The following KIAA0825 variants were observed in gnomAD, a reference collection of about 807,000 sequenced individuals.
The protein encoded by KIAA0825 is uncharacterized protein KIAA0825.
KIAA0825 carries 119 observed loss-of-function variants against 147.6 expected under a neutral mutation model. The observed-to-expected ratio is 0.81, with a 90% CI of 0.69 to 0.94. The LOEUF (loss-of-function observed/expected upper bound fraction) is 0.94, where lower values mean the gene tolerates loss of function less well. KIAA0825 is among the 40% of genes least tolerant of loss of function. The pLI is 0.00. For synonymous variants in KIAA0825, 470 were observed against 518.1 expected (o/e 0.91, Z 1.26); for missense variants, 1,381 against 1,472.7 (o/e 0.94, Z 1.02).
intron 1 of KIAA0825, among the ~76,000 whole-genome samples, chr5:94,603,811 G>T (rs777959298): frequency 2.6e-5 from 4 of 152,086 alleles, no homozygotes; most frequent in Non-Finnish European, 5.9e-5. Flanking sequence ...AACGAACAAA[G>T]ATTAAAAAAT....
chr5:94,335,169 A>G (rs1196547524), intron 20 of KIAA0825, among the ~76,000 whole-genome samples: 1 of 152,172 alleles, frequency 6.6e-6, no homozygotes, highest in East Asian at 1.9e-4. Context: ...ACTCCTCAAT[A>G]TGAATTTAGA....
At chr5:94,244,570 C>T (rs554904217) in intron 20 of KIAA0825, among the ~76,000 whole-genome samples, 2 of 152,256 alleles carry the variant, frequency 1.3e-5, no homozygotes, top group African/African-American at 4.8e-5. Flanking sequence ...CTCCTTGTCT[C>T]AAGCAATCCT....
chr5:94,584,197 T>C (rs1024731868), intron 1 of KIAA0825, among the ~76,000 whole-genome samples: 5 of 151,868 alleles, frequency 3.3e-5, no homozygotes, highest in African/African-American at 1.2e-4. Flanking sequence ...GTTTGAGGAG[T>C]TGACAGAAGT....
intron 2 of KIAA0825, among the ~76,000 whole-genome samples, chr5:94,565,261 C>T (rs575278759): frequency 5.7e-4 from 86 of 150,988 alleles, no homozygotes; most frequent in African/African-American, 1.9e-3. Flanking sequence ...ACATCACCTT[C>T]TAACTCATTC....
At chr5:94,194,577 C>A (rs976198488) in intron 20 of KIAA0825, among the ~76,000 whole-genome samples, 4 of 152,194 alleles carry the variant, frequency 2.6e-5, no homozygotes, top group Admixed American at 1.3e-4. Flanking sequence ...GCTGGCCACC[C>A]ATCTGTCTCT....
At chr5:94,519,239 T>A in intron 5 of KIAA0825, 1 of 887,166 alleles carries the variant, frequency 1.1e-6, no homozygotes, top group Non-Finnish European at 1.4e-6. Context: ...ATTTTATTAA[T>A]GAAGATACGC....
intron 1 of KIAA0825, among the ~76,000 whole-genome samples, chr5:94,587,246 T>C (rs1224203047): frequency 6.6e-6 from 1 of 152,136 alleles, no homozygotes; most frequent in Non-Finnish European, 1.5e-5. Flanking sequence ...AAAGAGGAAG[T>C]CAAATTGTCC....
At chr5:94,288,339 A>T (rs1415137690) in intron 20 of KIAA0825, among the ~76,000 whole-genome samples, 1 of 152,178 alleles carries the variant, frequency 6.6e-6, no homozygotes, top group Non-Finnish European at 1.5e-5. Flanking sequence ...AAAAGTGTTT[A>T]AAAACAGTAT....
rs375041169 is a variant in KIAA0825 at position 94,186,373 on chromosome 5, T to C, written c.3711-32249A>G. On this transcript the variant is annotated intron_variant, in intron 20 of 20. Coordinates refer to ENST00000682413, the MANE Select transcript of KIAA0825 (RefSeq NM_001145678.3). ...ATTATTGGTGTACAAATGCCAATAT[T>C]TACTGACCTTTCTAAAGCAGTAAAT... Among the ~76,000 whole-genome samples, 61 of 152,330 alleles carry C rather than the reference T, an allele frequency of 4.0e-4. 1 individual carries two copies. Among genetic ancestry groups the C allele is most frequent in the African/African-American group, 1.4e-3 (60 of 41,586 alleles).
At chr5:94,430,830 C>T (rs1755565484) in intron 14 of KIAA0825, among the ~76,000 whole-genome samples, 1 of 152,148 alleles carries the variant, frequency 6.6e-6, no homozygotes, top group African/African-American at 2.4e-5. Flanking sequence ...GCAGGTGAAA[C>T]ATCACAGCAA....
At chr5:94,258,229 G>A (rs990341548) in intron 20 of KIAA0825, among the ~76,000 whole-genome samples, 7 of 151,986 alleles carry the variant, frequency 4.6e-5, no homozygotes, top group African/African-American at 1.7e-4. Context: ...AAGAGGAAGA[G>A]GAAGGGTATT....
intron 2 of KIAA0825, among the ~76,000 whole-genome samples, chr5:94,581,546 T>C (rs1415802304): frequency 6.6e-6 from 1 of 152,168 alleles, no homozygotes; most frequent in East Asian, 1.9e-4. Context: ...CCCAAATCAG[T>C]CTGTTATACT....
At chr5:94,600,800 T>C (rs1404350906) in intron 1 of KIAA0825, among the ~76,000 whole-genome samples, 1 of 152,164 alleles carries the variant, frequency 6.6e-6, no homozygotes, top group Non-Finnish European at 1.5e-5. Context: ...TCTACAAAAG[T>C]GTGACCAGAT....
At chr5:94,499,292 T>G (rs1207113176) in intron 5 of KIAA0825, among the ~76,000 whole-genome samples, 2 of 152,136 alleles carry the variant, frequency 1.3e-5, no homozygotes, top group Non-Finnish European at 2.9e-5. Flanking sequence ...AAGTAAACTC[T>G]CCATGCTGTG....
chr5:94,184,622 A>G (rs1281327522), intron 20 of KIAA0825, among the ~76,000 whole-genome samples: 1 of 152,234 alleles, frequency 6.6e-6, no homozygotes, highest in Non-Finnish European at 1.5e-5. Context: ...GCAAATATTT[A>G]AGAAACTTAT....
intron 20 of KIAA0825, among the ~76,000 whole-genome samples, chr5:94,383,147 C>A (rs561512224): frequency 6.6e-5 from 10 of 152,280 alleles, no homozygotes; most frequent in African/African-American, 2.4e-4. Flanking sequence ...AATAGGGTAC[C>A]TCTGGACTGC....
intron 20 of KIAA0825, among the ~76,000 whole-genome samples, chr5:94,359,452 T>C (rs1744755463): frequency 6.6e-6 from 1 of 152,204 alleles, no homozygotes; most frequent in African/African-American, 2.4e-5. Flanking sequence ...CTTATTACTA[T>C]GGTTTATAAG....
At chr5:94,315,017 T>C (rs1779520435) in intron 20 of KIAA0825, among the ~76,000 whole-genome samples, 1 of 151,648 alleles carries the variant, frequency 6.6e-6, no homozygotes, top group African/African-American at 2.4e-5. Context: ...ACTGTTGCCA[T>C]GGTAACAGGC....
At chr5:94,188,268 CTG>C (rs952646585) in intron 20 of KIAA0825, among the ~76,000 whole-genome samples, 1 of 152,166 alleles carries the variant, frequency 6.6e-6, no homozygotes, top group African/African-American at 2.4e-5. Flanking sequence ...AGACAGAACA[CTG>C]TAACATATTT....
Sources: allele counts gnomAD v4.1 joint callset (sites outside exome capture counted in the v4.1 genomes callset), GRCh38; gene constraint gnomAD v4.1.1; transcripts MANE v1.5; gene names NCBI Gene and HGNC (gene_info 2026-07-23, HGNC 2026-07-21).